Variants in NCAM2 observed in about 807,000 individuals in gnomAD.
NCAM2 encodes the protein N-CAM-2.
NCAM2 carries 30 observed loss-of-function variants against 98.1 expected under a neutral mutation model. The ratio of observed to expected loss-of-function variants is 0.31; its 90% CI spans 0.23 to 0.41. The LOEUF (loss-of-function observed/expected upper bound fraction) is 0.41, where lower values mean the gene tolerates loss of function less well. NCAM2 is among the 10% of genes least tolerant of loss of function. NCAM2 has a pLI of 1.00. For synonymous variants in NCAM2, 368 were observed against 342.4 expected (o/e 1.07, Z -0.83); for missense variants, 867 against 1,005.8 (o/e 0.86, Z 1.87).
intron 1 of NCAM2, among the ~76,000 whole-genome samples, chr21:21,225,991 A>G (rs1458225313): frequency 2.0e-5 from 3 of 152,116 alleles, no homozygotes; most frequent in Non-Finnish European, 2.9e-5. Context: ...AAAGAATGAA[A>G]TCATGTCCTT....
At chr21:21,153,504 A>T (rs1286710302) in intron 1 of NCAM2, among the ~76,000 whole-genome samples, 1 of 151,942 alleles carries the variant, frequency 6.6e-6, no homozygotes, top group African/African-American at 2.4e-5. Context: ...AATATTGAGT[A>T]CCATAAATGT....
intron 11 of NCAM2, among the ~76,000 whole-genome samples, chr21:21,431,145 G>GTGTGTGTGTGTGTGTGTGTGTA (rs2077334148): frequency 1.4e-5 from 2 of 141,658 alleles, no homozygotes; most frequent in African/African-American, 2.7e-5. Flanking sequence ...GTGTGTGTGT[G>GTGTGTGTGTGTGTGTGTGTGTA]TATACATATA....
At chr21:21,137,411 T>C (rs1028482793) in intron 1 of NCAM2, among the ~76,000 whole-genome samples, 4 of 152,216 alleles carry the variant, frequency 2.6e-5, no homozygotes, top group Non-Finnish European at 5.9e-5. Flanking sequence ...TCCTATAAAG[T>C]ATTCTAAATC....
chr21:21,537,919 G>T lies in NCAM2; in HGVS notation c.2476G>T (p.Asp826Tyr). ...PETIEIKVSN[D>Y]IIQSKEDDSK... ...AACTATAGAAATTAAAGTTTCTAAC[G>T]ACATCATTCAATCAAAAGAAGACGA... The change falls in exon 18 of 18, where the codon GAC becomes TAC. Residue 826 changes from aspartate (D) to tyrosine (Y), a missense_variant. This residue lies in a region of NCAM2 where 125 missense variants were observed against 116.1 expected (regional missense o/e 1.08). Transcript: ENST00000400546. 6.3e-7 allele frequency: 1 copy of T among 1,578,264 alleles called. No homozygotes were observed. Among genetic ancestry groups the T allele is most frequent in the South Asian group, 1.2e-5 (1 of 85,468 alleles).
At chr21:21,274,182 A>T (rs8133487) in intron 1 of NCAM2, among the ~76,000 whole-genome samples, 112,923 of 149,364 alleles carry the variant, frequency 0.76, 42,716 homozygotes, top group South Asian at 0.84. Context: ...AAAAAAAAAA[A>T]TTTTAATCAC....
intron 1 of NCAM2, among the ~76,000 whole-genome samples, chr21:21,260,056 A>G (rs1332380672): frequency 6.6e-6 from 1 of 151,752 alleles, no homozygotes; most frequent in Non-Finnish European, 1.5e-5. Flanking sequence ...TCAAAATAAA[A>G]GTGGAATTAT....
chr21:21,295,401 T>C (rs1284252556), intron 5 of NCAM2, among the ~76,000 whole-genome samples: 1 of 151,838 alleles, frequency 6.6e-6, no homozygotes. Context: ...GGTATTGTTT[T>C]TCACAAATAT....
In NCAM2 at chr21:21,458,987, A is replaced by G. The variant is rs566744745; in HGVS notation, c.1655-7619A>G. Among the ~76,000 whole-genome samples the G allele has an allele frequency of 5.3e-5, 8 of 152,312 alleles. No homozygotes were observed. The East Asian group carries it at 1.5e-3, about 29-fold the overall frequency. On this transcript the variant is annotated intron_variant, in intron 12 of 17. Coordinates refer to ENST00000400546, the MANE Select transcript of NCAM2 (RefSeq NM_004540.5). ...GTCTCCACAAATATATGAAAAATTC[A>G]TACAACTCAATAGCACAAAACCAAA... is the stretch of plus-strand genomic sequence containing the variant.
intron 1 of NCAM2, among the ~76,000 whole-genome samples, chr21:21,052,512 A>T (rs1432943641): frequency 6.6e-6 from 1 of 152,014 alleles, no homozygotes; most frequent in African/African-American, 2.4e-5. Context: ...TCTCTAGCAT[A>T]TAGTAAAGAT....
intron 3 of NCAM2, 95 bp from the exon 4 acceptor site, chr21:21,286,174 A>C: frequency 7.9e-7 from 1 of 1,262,942 alleles, no homozygotes; most frequent in Non-Finnish European, 1.1e-6. Context: ...ATTTTATTAT[A>C]GTATCAATAG....
intron 9 of NCAM2, among the ~76,000 whole-genome samples, chr21:21,408,498 G>A (rs1038299405): frequency 6.6e-6 from 1 of 152,058 alleles, no homozygotes; most frequent in Non-Finnish European, 1.5e-5. Flanking sequence ...TTATAAAGCT[G>A]TTTTATCTTC....
At chr21:21,210,707 G>A (rs1025722647) in intron 1 of NCAM2, 5 of 1,152,616 alleles carry the variant, frequency 4.3e-6, no homozygotes, top group Non-Finnish European at 5.6e-6. Flanking sequence ...CTGGACCATT[G>A]CCCAGGGCTG....
In NCAM2 at chr21:21,466,619, G is replaced by C. The variant is rs772071783; in HGVS notation, c.1668G>C (p.Leu556Phe). ...TTTTTCTTCTAGCAATGGTTGTTTT[G>C]AACAACCTGGAACCAAATACAACTT... Reference protein sequence around the residue: ...RSHGVQTMVVLNNLEPNTTYE... With the variant: ...RSHGVQTMVVFNNLEPNTTYE... Residue 556 changes from leucine (L) to phenylalanine (F), a missense_variant, in exon 13 of 18, where the codon TTG becomes TTC. Physicochemically the swap from Leu to Phe is conservative, Grantham distance 22. Around this residue, in one of 5 missense-constraint regions of NCAM2, gnomAD observed 234 missense variants for 333.8 expected, o/e 0.70. Coordinates refer to ENST00000400546, the MANE Select transcript of NCAM2 (RefSeq NM_004540.5). The C allele has an allele frequency of 6.3e-7, 1 of 1,593,872 alleles. No homozygotes were observed. Among genetic ancestry groups the C allele is most frequent in the East Asian group, 2.3e-5 (1 of 43,954 alleles).
intron 1 of NCAM2, among the ~76,000 whole-genome samples, chr21:21,077,125 A>G (rs2146388255): frequency 6.6e-6 from 1 of 152,274 alleles, no homozygotes; most frequent in Non-Finnish European, 1.5e-5. Flanking sequence ...ATTTTTATTA[A>G]GGAAGCTTTT....
At chr21:21,024,819 G>A (rs1341716682) in intron 1 of NCAM2, among the ~76,000 whole-genome samples, 3 of 151,736 alleles carry the variant, frequency 2.0e-5, no homozygotes, top group South Asian at 2.1e-4. Flanking sequence ...CCCAGGAGGC[G>A]GAGACTGCAG....
At chr21:21,477,118 G>T (rs1985268877) in intron 14 of NCAM2, among the ~76,000 whole-genome samples, 173 bp from the exon 15 acceptor site, 1 of 152,022 alleles carries the variant, frequency 6.6e-6, no homozygotes, top group South Asian at 2.1e-4. Flanking sequence ...ATAGAAAAAT[G>T]TTGGAAATAA....
intron 16 of NCAM2, among the ~76,000 whole-genome samples, chr21:21,527,127 T>G (rs79758066): frequency 6.6e-6 from 1 of 151,884 alleles, no homozygotes; most frequent in South Asian, 2.1e-4. Flanking sequence ...TTTTTTTTTT[T>G]TTGAGATGGA....
At chr21:21,053,258 C>T (rs866885706) in intron 1 of NCAM2, among the ~76,000 whole-genome samples, 10 of 151,902 alleles carry the variant, frequency 6.6e-5, no homozygotes, top group African/African-American at 1.2e-4. Context: ...AAATTTGTGG[C>T]GACATCAGAA....
intron 1 of NCAM2, among the ~76,000 whole-genome samples, chr21:21,191,749 G>C (rs1432494627): frequency 6.6e-6 from 1 of 152,096 alleles, no homozygotes; most frequent in Non-Finnish European, 1.5e-5. Context: ...AGTTTCTTCT[G>C]TGCAGCAGGA....
Sources: gnomAD v4.1 joint callset for allele counts (sites outside exome capture counted in the v4.1 genomes callset) on GRCh38, gnomAD v4.1.1 for gene constraint, gnomAD v4.1.1 regional missense constraint, MANE v1.5 for transcripts, NCBI Gene and HGNC (gene_info 2026-07-23, HGNC 2026-07-21) for gene names.